Variants in ADGRA3 observed in about 807,000 individuals in gnomAD.
ADGRA3 encodes adhesion G protein-coupled receptor A3, also known as G-protein coupled receptor 125.
A neutral mutation model predicts 119.8 loss-of-function variants in ADGRA3; 56 were observed. That is an observed-to-expected ratio of 0.47 (90% CI 0.38 to 0.58). The LOEUF (loss-of-function observed/expected upper bound fraction) is 0.58. Among genes scored for constraint, ADGRA3 ranks in the 20% least tolerant of loss-of-function variants. The probability of loss-of-function intolerance (pLI) is 0.00; values close to 1 mark genes in which losing one functional copy is unlikely to be tolerated. For synonymous variants in ADGRA3, 607 were observed against 623.8 expected, an observed-to-expected ratio of 0.97 and a Z score of 0.40; for missense variants, 1,516 against 1,649.0, an observed-to-expected ratio of 0.92 and a Z score of 1.40.
At chr4:22,493,154 T>C (rs1308210783) in intron 1 of ADGRA3, among the ~76,000 whole-genome samples, 1 of 152,178 alleles carries the variant, frequency 6.6e-6, no homozygotes, top group Non-Finnish European at 1.5e-5. Flanking sequence ...TTCGTAGAGA[T>C]GGGGTCTTGC....
intron 7 of ADGRA3, among the ~76,000 whole-genome samples, chr4:22,441,974 T>C (rs1165865304): frequency 6.6e-6 from 1 of 152,044 alleles, no homozygotes; most frequent in Non-Finnish European, 1.5e-5. Context: ...GATGTTACCC[T>C]AGGAGGACCT....
At chr4:22,433,711 C>A (rs1454599987) in intron 10 of ADGRA3, among the ~76,000 whole-genome samples, 2 of 152,172 alleles carry the variant, frequency 1.3e-5, no homozygotes, top group Non-Finnish European at 2.9e-5. Context: ...AATGTCATTA[C>A]AATTATTCTA....
chr4:22,417,582 T>C (rs552457587), intron 12 of ADGRA3, among the ~76,000 whole-genome samples: 4 of 152,232 alleles, frequency 2.6e-5, no homozygotes, highest in African/African-American at 9.6e-5. Flanking sequence ...AGCTGTTAAG[T>C]TGGGGAGAGA....
chr4:22,464,782 T>G (rs1717596673), intron 2 of ADGRA3, among the ~76,000 whole-genome samples: 1 of 152,154 alleles, frequency 6.6e-6, no homozygotes, highest in African/African-American at 2.4e-5. Flanking sequence ...GGGGTCTGAG[T>G]GTGCTCCTTG....
intron 2 of ADGRA3, among the ~76,000 whole-genome samples, chr4:22,469,632 C>CA (rs1335266449): frequency 6.6e-6 from 1 of 152,172 alleles, no homozygotes; most frequent in Non-Finnish European, 1.5e-5. Context: ...CAACCTATCC[C>CA]ACATTCAGTG....
In ADGRA3 at chr4:22,424,371, A is replaced by G. The variant is rs188920546; in HGVS notation, c.1444-19T>C. 27 of 1,603,910 alleles carry G rather than the reference A, an allele frequency of 1.7e-5. No individual in the cohort carries two copies. In the East Asian group the frequency reaches 3.6e-4, roughly 21 times the overall value. ...CACCTAGCTAGCAGGGGTTCAGGAG[A>G]AAAAAGAAAGATCTTTAAAACCACC... On this transcript the variant is annotated intron_variant, in intron 10 of 18. Coordinates refer to ENST00000334304, the MANE Select transcript of ADGRA3 (RefSeq NM_145290.4).
intron 4 of ADGRA3, among the ~76,000 whole-genome samples, chr4:22,451,965 C>T (rs1471250081): frequency 6.6e-6 from 1 of 152,180 alleles, no homozygotes; most frequent in African/African-American, 2.4e-5. Context: ...TATCATCCTT[C>T]ACAACTGGCA....
intron 2 of ADGRA3, among the ~76,000 whole-genome samples, chr4:22,465,500 G>A (rs1205536459): frequency 6.6e-6 from 1 of 152,164 alleles, no homozygotes; most frequent in Non-Finnish European, 1.5e-5. Flanking sequence ...GCCAACAGAT[G>A]GGAAACGAGA....
chr4:22,440,964 A>G (rs1716590006), intron 7 of ADGRA3, among the ~76,000 whole-genome samples: 1 of 152,196 alleles, frequency 6.6e-6, no homozygotes, highest in Non-Finnish European at 1.5e-5. Flanking sequence ...CCCTTCCCAC[A>G]GCTAACAATT....
At chr4:22,482,097 C>A (rs1718275848) in intron 1 of ADGRA3, among the ~76,000 whole-genome samples, 1 of 152,116 alleles carries the variant, frequency 6.6e-6, no homozygotes, top group Non-Finnish European at 1.5e-5. Flanking sequence ...GAAAATAATT[C>A]TGGGTGGTAT....
chr4:22,495,043 A>C lies in ADGRA3; in HGVS notation c.257+20485T>G, dbSNP rs186078019. Among the ~76,000 whole-genome samples the C allele has an allele frequency of 3.1e-4, 47 of 152,158 alleles. No homozygotes were observed. The East Asian group carries it at 8.9e-3, about 29-fold the overall frequency. ...AATAACAAAATAGAACAATTATAACAATGTACTGTAATAAAAATTATGTGA... is the reference window on the plus strand; with the variant it reads ...AATAACAAAATAGAACAATTATAACCATGTACTGTAATAAAAATTATGTGA... On this transcript the variant is annotated intron_variant, in intron 1 of 18. Transcript: ENST00000334304.
At chr4:22,513,143 C>CTTTTT (rs142313161) in intron 1 of ADGRA3, among the ~76,000 whole-genome samples, 1 of 133,496 alleles carries the variant, frequency 7.5e-6, no homozygotes, top group African/African-American at 2.8e-5. Flanking sequence ...CAACTTTCCT[C>CTTTTT]TTTTTTTTTT....
intron 2 of ADGRA3, among the ~76,000 whole-genome samples, chr4:22,463,111 C>T (rs1420677207): frequency 6.6e-6 from 1 of 152,196 alleles, no homozygotes; most frequent in Non-Finnish European, 1.5e-5. Flanking sequence ...GAAGCTGAAG[C>T]CATATGGAGA....
intron 10 of ADGRA3, among the ~76,000 whole-genome samples, chr4:22,432,890 C>G (rs888580941): frequency 1.3e-5 from 2 of 152,170 alleles, no homozygotes; most frequent in Non-Finnish European, 2.9e-5. Context: ...AAAAGAATAA[C>G]TTTCAGACAT....
chr4:22,431,640 C>A (rs1716175307), intron 10 of ADGRA3, among the ~76,000 whole-genome samples: 1 of 152,180 alleles, frequency 6.6e-6, no homozygotes, highest in African/African-American at 2.4e-5. Context: ...TCCTCCTTTG[C>A]CTTCTGCCAT....
chr4:22,497,683 C>T (rs1223845263), intron 1 of ADGRA3, among the ~76,000 whole-genome samples: 1 of 145,158 alleles, frequency 6.9e-6, no homozygotes, highest in African/African-American at 2.6e-5. Context: ...ATTGGCCAGG[C>T]ATGGTGGCGG....
At chr4:22,426,198 A>C (rs370512309) in intron 10 of ADGRA3, among the ~76,000 whole-genome samples, 2 of 152,090 alleles carry the variant, frequency 1.3e-5, no homozygotes, top group Non-Finnish European at 2.9e-5. Context: ...TAAAAATAGG[A>C]CCAATGCATC....
rs755084044 is a variant in ADGRA3 at position 22,388,452 on chromosome 4, G to A, written c.3219C>T (p.Asn1073=). 9 of 1,614,036 alleles carry A rather than the reference G, an allele frequency of 5.6e-6. No individual in the cohort carries two copies. Among genetic ancestry groups the A allele is most frequent in the Admixed American group, 1.7e-5 (1 of 60,014 alleles). Reference sequence around the variant, plus strand: ...TCCCATTAGAGTTGGGGGGCTGGACGTTGACTTGCACTGAATACGAGCTCC... The same window carrying A: ...TCCCATTAGAGTTGGGGGGCTGGACATTGACTTGCACTGAATACGAGCTCC... ...PGRSSYSVQV[N]VQPPNSNGTN... The change falls in exon 19 of 19, where the codon AAC becomes AAT. Residue 1073 remains asparagine (N), a synonymous_variant. Transcript: ENST00000334304.
chr4:22,397,432 A>G (rs1212373490), intron 16 of ADGRA3, among the ~76,000 whole-genome samples: 1 of 152,056 alleles, frequency 6.6e-6, no homozygotes, highest in Non-Finnish European at 1.5e-5. Flanking sequence ...CGCCTGCCTC[A>G]GCCTCCCAAA....
Sources: allele counts gnomAD v4.1 joint callset (sites outside exome capture counted in the v4.1 genomes callset), GRCh38; gene constraint gnomAD v4.1.1; transcripts MANE v1.5; gene names NCBI Gene and HGNC (gene_info 2026-07-23, HGNC 2026-07-21).